Variants in SEC22A observed in about 807,000 individuals in gnomAD.
SEC22A encodes vesicle-trafficking protein SEC22a.
A neutral mutation model predicts 35.3 loss-of-function variants in SEC22A; 22 were observed. The observed-to-expected ratio is 0.62, with a 90% CI of 0.45 to 0.89. The LOEUF (loss-of-function observed/expected upper bound fraction) is 0.89, where lower values mean the gene tolerates loss of function less well. Among genes scored for constraint, SEC22A ranks in the 40% least tolerant of loss-of-function variants. The probability of loss-of-function intolerance (pLI) is 0.00; values close to 1 mark genes in which losing one functional copy is unlikely to be tolerated. For synonymous variants in SEC22A, 119 were observed against 129.5 expected (o/e 0.92, Z 0.55); for missense variants, 354 against 362.5 (o/e 0.98, Z 0.19).
intron 1 of SEC22A, among the ~76,000 whole-genome samples, chr3:123,207,802 T>C (rs1056337838): frequency 4.6e-5 from 7 of 152,200 alleles, no homozygotes; most frequent in Non-Finnish European, 8.8e-5. Context: ...TGAAGTCCTT[T>C]CATCTGTTTT....
chr3:123,239,636 G>T (rs1177089976), intron 4 of SEC22A, among the ~76,000 whole-genome samples: 1 of 152,136 alleles, frequency 6.6e-6, no homozygotes, highest in Non-Finnish European at 1.5e-5. Flanking sequence ...CTTTTGAGAA[G>T]TGTATGTTCA....
In SEC22A at chr3:123,273,820, G is replaced by A. The variant is rs1938230298; in HGVS notation, c.*2098G>A. 1 of 151,700 alleles carries A rather than the reference G, an allele frequency of 6.6e-6. No homozygotes were observed. The highest frequency in any genetic ancestry group is 1.5e-5 in the Non-Finnish European group (1 of 68,028). The allele number at this position is 151,700 out of a possible 1,614,324, so 9.4% of individuals were successfully genotyped here. ...CGAGACTCTGTCTCAAAAAAGAAAG[G>A]TTTTCTAAACTAATGGTTAAAACAG... On this transcript the variant is annotated 3_prime_UTR_variant, in exon 7 of 7. Coordinates refer to ENST00000492595, the MANE Select transcript of SEC22A (RefSeq NM_012430.5).
intron 6 of SEC22A, among the ~76,000 whole-genome samples, chr3:123,267,715 T>TA (rs1431244656): frequency 3.9e-5 from 6 of 152,218 alleles, no homozygotes; most frequent in Admixed American, 1.3e-4. Context: ...TCTTTCTATT[T>TA]AGAGAGCTTC....
chr3:123,206,481 A>G (rs1936854576), intron 1 of SEC22A, among the ~76,000 whole-genome samples: 1 of 152,206 alleles, frequency 6.6e-6, no homozygotes, highest in Admixed American at 6.5e-5. Context: ...TGGAAAGACA[A>G]CAGTTTTATA....
intron 6 of SEC22A, among the ~76,000 whole-genome samples, chr3:123,267,749 A>C (rs1010450821): frequency 6.6e-6 from 1 of 152,186 alleles, no homozygotes; most frequent in Non-Finnish European, 1.5e-5. Context: ...TTTATGGTAG[A>C]TCTGCTAGCA....
rs761962737 is a variant in SEC22A, at chr3:123,250,346, G to T, written c.657+4332G>T. Among the ~76,000 whole-genome samples, 122 of 152,040 alleles carry T rather than the reference G, an allele frequency of 8.0e-4. 1 individual carries two copies. The highest frequency in any genetic ancestry group is 1.0e-4 in the Non-Finnish European group (7 of 68,014). ...AATTGCTTGAACCTGGAAGGTGGAG[G>T]TTGCAGTGAGCCAAGATCGTGCCAC... On this transcript the variant is annotated intron_variant, in intron 5 of 6. Coordinates refer to ENST00000492595, the MANE Select transcript of SEC22A (RefSeq NM_012430.5).
In SEC22A at chr3:123,271,831, C is replaced by A; in HGVS notation, c.*109C>A. 1.1e-6 allele frequency: 1 copy of A among 901,732 alleles called. No individual in the cohort carries two copies. Among genetic ancestry groups the A allele is most frequent in the Non-Finnish European group, 1.7e-6 (1 of 595,710 alleles). 55.9% of individuals were successfully genotyped at this position (901,732 alleles called of 1,614,324 possible). A position where few individuals can be genotyped will look rare whatever the true frequency, so the allele number is the denominator to read the frequency against. ...CCCCACAGAGGAGAAGCTCTGCTTTCTTTCTCTCCAACTTTCCTTTTTTAA... is the reference window on the plus strand; with the variant it reads ...CCCCACAGAGGAGAAGCTCTGCTTTATTTCTCTCCAACTTTCCTTTTTTAA... On this transcript the variant is annotated 3_prime_UTR_variant, in exon 7 of 7. Transcript: ENST00000492595.
chr3:123,227,397 A>G (rs574075719), intron 4 of SEC22A, among the ~76,000 whole-genome samples: 5 of 151,528 alleles, frequency 3.3e-5, no homozygotes, highest in Admixed American at 6.6e-5. Context: ...AATATCTCCA[A>G]TTCACCAATG....
At position 123,257,456 on chromosome 3, in the gene SEC22A, G is replaced by A. The variant is rs76501105; in HGVS notation, c.658-2068G>A. ...TCACGCCTGTAATCCCAGCACTTTC[G>A]GAGGCTGAGGCAGGCAGATCACTTG... is the stretch of plus-strand genomic sequence containing the variant. On this transcript the variant is annotated intron_variant, in intron 5 of 6. Transcript: ENST00000492595. 7.4e-4 allele frequency among the ~76,000 whole-genome samples: 113 copies of A among 152,186 alleles called. 2 individuals carry two copies. In the East Asian group the frequency reaches 0.017, roughly 23 times the overall value.
intron 3 of SEC22A, among the ~76,000 whole-genome samples, chr3:123,223,961 C>A (rs1242024056): frequency 2.0e-5 from 3 of 152,130 alleles, no homozygotes; most frequent in African/African-American, 7.2e-5. Flanking sequence ...AGGATAACTT[C>A]TCAATGAGAA....
intron 2 of SEC22A, among the ~76,000 whole-genome samples, chr3:123,223,324 C>T (rs1937162095): frequency 6.6e-6 from 1 of 152,154 alleles, no homozygotes; most frequent in African/African-American, 2.4e-5. Flanking sequence ...ATGTTAGAAC[C>T]GTATTGTGTG....
chr3:123,260,169 A>AAAAAAAAAAAAAAAAAAAAAAAAAAAAC (rs1559763879), intron 6 of SEC22A, among the ~76,000 whole-genome samples: 1 of 114,758 alleles, frequency 8.7e-6, no homozygotes, highest in African/African-American at 3.5e-5. Context: ...AAAAAAAAAA[A>AAAAAAAAAAAAAAAAAAAAAAAAAAAAC]CTACTAGATT....
At chr3:123,271,144 G>T (rs1483877932) in intron 6 of SEC22A, among the ~76,000 whole-genome samples, 3 of 152,152 alleles carry the variant, frequency 2.0e-5, no homozygotes, top group African/African-American at 7.2e-5. Context: ...TAGCTTGTAT[G>T]TGCTTTTTTG....
chr3:123,270,465 C>G (rs1263023173), intron 6 of SEC22A, among the ~76,000 whole-genome samples: 1 of 152,184 alleles, frequency 6.6e-6, no homozygotes, highest in Admixed American at 6.5e-5. Flanking sequence ...GAGACCTGGG[C>G]CTCTCTCTTA....
rs182981350 is a variant in SEC22A, at chr3:123,234,409, A to G, written c.541+9112A>G. Among the ~76,000 whole-genome samples, 429 of 152,318 alleles carry G rather than the reference A, an allele frequency of 2.8e-3. 4 individuals are homozygous for G. The highest frequency in any genetic ancestry group is 9.0e-3 in the African/African-American group (376 of 41,570). ...ACAATTATCATGACTGTGTGGTTCT[A>G]GTTTAAGGATAGACACATAGATCAA... is the stretch of plus-strand genomic sequence containing the variant. On this transcript the variant is annotated intron_variant, in intron 4 of 6. Coordinates refer to ENST00000492595, the MANE Select transcript of SEC22A (RefSeq NM_012430.5).
chr3:123,234,581 C>A, intron 4 of SEC22A, among the ~76,000 whole-genome samples: 1 of 151,440 alleles, frequency 6.6e-6, no homozygotes, highest in Admixed American at 6.6e-5. Flanking sequence ...AAGTTGGACC[C>A]CTACCTCAAA....
intron 5 of SEC22A, among the ~76,000 whole-genome samples, chr3:123,255,687 A>C (rs567089778): frequency 1.3e-5 from 2 of 152,298 alleles, no homozygotes; most frequent in Admixed American, 1.3e-4. Context: ...TAGCATACTC[A>C]ATACTAATTT....
chr3:123,218,969 A>C (rs1201387132), intron 2 of SEC22A, among the ~76,000 whole-genome samples: 1 of 152,222 alleles, frequency 6.6e-6, no homozygotes, highest in Non-Finnish European at 1.5e-5. Flanking sequence ...ATATTAATAT[A>C]CAATTACAAA....
At chr3:123,210,827 A>G (rs1318735380) in intron 2 of SEC22A, among the ~76,000 whole-genome samples, 1 of 152,206 alleles carries the variant, frequency 6.6e-6, no homozygotes, top group Non-Finnish European at 1.5e-5. Flanking sequence ...TGAAGAATTA[A>G]TAAGAGTTGG....
Sources: allele counts gnomAD v4.1 joint callset (sites outside exome capture counted in the v4.1 genomes callset), GRCh38; gene constraint gnomAD v4.1.1; transcripts MANE v1.5; gene names NCBI Gene and HGNC (gene_info 2026-07-23, HGNC 2026-07-21).